Variants in SSNA1 observed in about 807,000 individuals in gnomAD.
SSNA1 encodes the protein microtubule nucleation factor SSNA1.
SSNA1 carries 13 observed loss-of-function variants against 13.3 expected under a neutral mutation model. The observed-to-expected ratio is 0.97, with a 90% CI of 0.63 to 1.55. SSNA1 has a LOEUF of 1.55. Among genes scored for constraint, SSNA1 ranks in the 40% most tolerant of loss-of-function variants. The pLI, the probability that SSNA1 is intolerant of heterozygous loss-of-function variation, is 0.00. For missense variants in SSNA1, 186 were observed against 152.7 expected (o/e 1.22, Z -1.15); for synonymous variants, 89 against 65.9 (o/e 1.35, Z -1.70).
At chr9:137,189,390 G>T in intron 2 of SSNA1, 125 bp downstream of exon 2, 1 of 1,170,636 alleles carries the variant, frequency 8.5e-7, no homozygotes, top group Non-Finnish European at 1.2e-6. Context: ...GGCATTTCGG[G>T]CAGGGGCAGC....
intron 1 of SSNA1, 33 bp from the exon 2 acceptor site, chr9:137,189,033 T>G: frequency 6.5e-7 from 1 of 1,548,688 alleles, no homozygotes; most frequent in Non-Finnish European, 8.7e-7. Flanking sequence ...GCTCCTGCCC[T>G]GGGCCCACAG....
Position 137,189,259 on chromosome 9 carries a change from C to T in SSNA1, c.246C>T (p.Tyr82=), listed in dbSNP as rs745636912. The T allele has an allele frequency of 1.7e-5, 28 of 1,612,926 alleles. No homozygotes were observed. The highest frequency in any genetic ancestry group is 3.3e-5 in the Admixed American group (2 of 60,008). Residue 82 remains tyrosine, a synonymous_variant, in exon 2 of 3, where the codon TAC becomes TAT. Coordinates refer to ENST00000322310, the MANE Select transcript of SSNA1 (RefSeq NM_003731.3). ...DRTIAETEAA[Y]LKILESSQTL... ...CCATCGCGGAGACGGAGGCCGCCTACCTCAAGGTGGAGCTCGGGAGGCCAG... is the reference window on the plus strand; with the variant it reads ...CCATCGCGGAGACGGAGGCCGCCTATCTCAAGGTGGAGCTCGGGAGGCCAG...
In SSNA1 at chr9:137,189,826, C is replaced by G; in HGVS notation, c.272C>G (p.Thr91Ser). 1 of 1,614,012 alleles carries G rather than the reference C, an allele frequency of 6.2e-7. No individual in the cohort carries two copies. Among genetic ancestry groups the G allele is most frequent in the South Asian group, 1.1e-5 (1 of 91,088 alleles). ...AYLKILESSQ[T>S]LLSVLKREAG... ...CCCCAGATCCTGGAGAGCTCCCAGA[C>G]TTTGCTCAGCGTTCTCAAGAGGGAA... is the stretch of plus-strand genomic sequence containing the variant. The change falls in exon 3 of 3, where the codon ACT becomes AGT. Residue 91 changes from threonine (T) to serine (S), a missense_variant. Thr to Ser is a moderately conservative substitution (Grantham distance 58). Coordinates refer to ENST00000322310, the MANE Select transcript of SSNA1 (RefSeq NM_003731.3).
chr9:137,189,478 G>A (rs1834564033), intron 2 of SSNA1, among the ~76,000 whole-genome samples: 1 of 152,242 alleles, frequency 6.6e-6, no homozygotes. Context: ...GGCATCCTGG[G>A]TCCTGGTCTT....
rs1351363841 is a variant in SSNA1 at position 137,189,108 on chromosome 9, A to C, written c.95A>C (p.Gln32Pro). ...CAGAAGCGGGAGGAGCTGTGCCGGC[A>C]GATCCAGGAGGAGGAGGACGAGAAG... The part of the protein sequence containing the change: ...LCQKREELCR[Q>P]IQEEEDEKQR... The change falls in exon 2 of 3, where the codon CAG becomes CCG. Residue 32 changes from glutamine (Q) to proline (P), a missense_variant. Gln to Pro is a moderately conservative substitution (Grantham distance 76, BLOSUM62 -1). Coordinates refer to ENST00000322310, the MANE Select transcript of SSNA1 (RefSeq NM_003731.3). 1 of 1,599,650 alleles carries C rather than the reference A, an allele frequency of 6.3e-7. No homozygotes were observed. The highest frequency in any genetic ancestry group is 8.5e-7 in the Non-Finnish European group (1 of 1,173,376).
intron 2 of SSNA1, 109 bp downstream of exon 2, chr9:137,189,374 C>G: frequency 7.6e-7 from 1 of 1,313,182 alleles, no homozygotes; most frequent in African/African-American, 1.5e-5. Context: ...CAGTCTGTGC[C>G]TCGCTGGCAT....
rs771404729 is a variant in SSNA1, at chr9:137,188,688, G to C, written c.-39G>C. On this transcript the variant is annotated 5_prime_UTR_variant, in exon 1 of 3. Coordinates refer to ENST00000322310, the MANE Select transcript of SSNA1 (RefSeq NM_003731.3). ...CGCAGGCGCGGACAGCGCTGCTTCCGCGGCGGTTGGGGTGGTGGGGCCCCG... is the reference window on the plus strand; with the variant it reads ...CGCAGGCGCGGACAGCGCTGCTTCCCCGGCGGTTGGGGTGGTGGGGCCCCG... 84 of 1,573,154 alleles carry C rather than the reference G, an allele frequency of 5.3e-5. No individual in the cohort carries two copies. The highest frequency in any genetic ancestry group is 7.0e-5 in the Admixed American group (4 of 57,000).
At position 137,190,132 on chromosome 9, in the gene SSNA1, G is replaced by C; in HGVS notation, c.*218G>C. ...CATGCTCACACAGGCTATGGGGATG[G>C]TGGGCTCCAGGTCAGCTCTGCAAGG... On this transcript the variant is annotated 3_prime_UTR_variant, in exon 3 of 3. Transcript: ENST00000322310. 1 of 534,994 alleles carries C rather than the reference G, an allele frequency of 1.9e-6. No homozygotes were observed. Among genetic ancestry groups the C allele is most frequent in the South Asian group, 2.0e-5 (1 of 49,390 alleles). 33.1% of individuals were successfully genotyped at this position (534,994 alleles called of 1,614,324 possible).
chr9:137,189,294 CAG>C lies in SSNA1; in HGVS notation c.252+30_252+31del, dbSNP rs751759124. ...GAGCTCGGGAGGCCAGGCCGAGCAT[CAG>C]GGGATAGGCACGGCAGGGGTGTTGC... is the stretch of plus-strand genomic sequence containing the variant. On this transcript the variant is annotated intron_variant, in intron 2 of 2. Transcript: ENST00000322310. 11 of 1,611,452 alleles carry C rather than the reference CAG, an allele frequency of 6.8e-6. No homozygotes were observed. In the African/African-American group the frequency reaches 8.0e-5, roughly 12 times the overall value.
At chr9:137,189,690 G>A (rs960116846) in intron 2 of SSNA1, 117 bp from the exon 3 acceptor site, 44 of 900,558 alleles carry the variant, frequency 4.9e-5, no homozygotes, top group Non-Finnish European at 7.2e-5. Context: ...CCCCACACAG[G>A]ATCCCTTGGC....
rs753825537 is a variant in SSNA1, at chr9:137,189,067, C to T, written c.54C>T (p.Cys18=). ...AGCGCCGCCCCTCCCGGCCCCCAGG[C>T]ATAGAGGAGCTGTGCCAGAAGCGGG... The part of the protein sequence containing the change: ...LQNYNNELVK[C]IEELCQKREE... The change falls in exon 2 of 3, where the codon TGC becomes TGT. Residue 18 remains cysteine (C), a splice_region_variant and synonymous_variant. Coordinates refer to ENST00000322310, the MANE Select transcript of SSNA1 (RefSeq NM_003731.3). 1.3e-6 allele frequency: 2 copies of T among 1,563,684 alleles called. No individual in the cohort carries two copies. Among genetic ancestry groups the T allele is most frequent in the South Asian group, 2.3e-5 (2 of 86,214 alleles).
rs1379629110 is a variant in SSNA1, at chr9:137,188,774, CA to C, written c.50del (p.Lys17SerfsTer3). Reference protein sequence around the residue: ...ALQNYNNELVKCIEELCQKRE... With the variant: ...ALQNYNNELVXCIEELCQKRE... The stretch of plus-strand genomic sequence containing the variant: ...TGCAGAACTACAACAACGAGCTGGT[CA>C]AGTGTGAGCGGCGCAGCCGGGACGG... On this transcript the variant is annotated frameshift_variant, in exon 1 of 3. Coordinates refer to ENST00000322310, the MANE Select transcript of SSNA1 (RefSeq NM_003731.3). LOFTEE classifies it high-confidence loss of function. The C allele has an allele frequency of 2.1e-5, 33 of 1,577,848 alleles. No individual in the cohort carries two copies. Among genetic ancestry groups the C allele is most frequent in the Non-Finnish European group, 2.6e-5 (30 of 1,169,910 alleles).
chr9:137,188,866 C>A, intron 1 of SSNA1, 88 bp downstream of exon 1: 1 of 1,417,580 alleles, frequency 7.1e-7, no homozygotes, highest in Non-Finnish European at 9.2e-7. Flanking sequence ...ACCCGCCTCG[C>A]TGCGGGCATC....
chr9:137,188,995 TG>T, intron 1 of SSNA1, 70 bp from the exon 2 acceptor site: 1 of 1,507,564 alleles, frequency 6.6e-7, no homozygotes, highest in Non-Finnish European at 9.0e-7. Flanking sequence ...CTTCCTCGGG[TG>T]GAAGGAGGCC....
At chr9:137,189,038 C>T in intron 1 of SSNA1, 28 bp from the exon 2 acceptor site, 2 of 1,549,854 alleles carry the variant, frequency 1.3e-6, no homozygotes, top group Non-Finnish European at 1.7e-6. Context: ...TGCCCTGGGC[C>T]CACAGCGCCG....
intron 1 of SSNA1, 32 bp from the exon 2 acceptor site, chr9:137,189,033 TG>T: frequency 1.3e-6 from 2 of 1,548,688 alleles, no homozygotes; most frequent in Non-Finnish European, 1.7e-6. Context: ...GCTCCTGCCC[TG>T]GGCCCACAGC....
chr9:137,189,367 T>G (rs1588769039), intron 2 of SSNA1, 102 bp downstream of exon 2: 3 of 1,362,270 alleles, frequency 2.2e-6, no homozygotes, highest in Non-Finnish European at 3.1e-6. Context: ...CTGTGGGCAG[T>G]CTGTGCCTCG....
At position 137,189,882 on chromosome 9, in the gene SSNA1, G is replaced by A. The variant is rs1340989423; in HGVS notation, c.328G>A (p.Asp110Asn). ...GAACCTGACCAAGGCTACAGCCCCA[G>A]ACCAGAAAAGTAGCGGCGGCAGGGA... ...AGNLTKATAP[D>N]QKSSGGRDS Residue 110 changes from aspartate to asparagine, a missense_variant, in exon 3 of 3, where the codon GAC becomes AAC. Asp to Asn is a conservative substitution (Grantham distance 23). Transcript: ENST00000322310. The A allele has an allele frequency of 7.4e-6, 12 of 1,613,800 alleles. No homozygotes were observed. Among genetic ancestry groups the A allele is most frequent in the Middle Eastern group, 1.6e-4 (1 of 6,084 alleles).
chr9:137,189,785 C>T lies in SSNA1; in HGVS notation c.253-22C>T, dbSNP rs765547942. 5.5e-5 allele frequency: 89 copies of T among 1,608,442 alleles called. 4 individuals are homozygous for T. In the Middle Eastern group the frequency reaches 4.1e-3, roughly 75 times the overall value. On this transcript the variant is annotated intron_variant, in intron 2 of 2. Transcript: ENST00000322310. ...TTACCAACAGGTGAACATTAACAAC[C>T]TTCTCACTTCTCTGGCCCCAGATCC...
Sources: allele counts gnomAD v4.1 joint callset (sites outside exome capture counted in the v4.1 genomes callset), GRCh38; gene constraint gnomAD v4.1.1; transcripts MANE v1.5; gene names NCBI Gene and HGNC (gene_info 2026-07-23, HGNC 2026-07-21).